Variants in PCDH15 observed in about 807,000 individuals in gnomAD.
PCDH15 encodes protocadherin-15.
PCDH15 carries 129 observed loss-of-function variants against 178.5 expected under a neutral mutation model. The ratio of observed to expected loss-of-function variants is 0.72; its 90% CI spans 0.63 to 0.84. PCDH15 has a LOEUF of 0.84. Among genes scored for constraint, PCDH15 ranks in the 40% least tolerant of loss-of-function variants. The probability of loss-of-function intolerance (pLI) is 0.00; values close to 1 mark genes in which losing one functional copy is unlikely to be tolerated. For synonymous variants in PCDH15, 800 were observed against 732.0 expected (o/e 1.09, Z -1.50); for missense variants, 2,230 against 2,099.9 (o/e 1.06, Z -1.21).
At chr10:55,241,411 T>C (rs982104188) in intron 1 of PCDH15, among the ~76,000 whole-genome samples, 2 of 152,138 alleles carry the variant, frequency 1.3e-5, no homozygotes, top group African/African-American at 4.8e-5. Flanking sequence ...TCATTTTGAA[T>C]TTATTTATTC....
At chr10:54,105,390 A>T (rs1480781320) in intron 15 of PCDH15, among the ~76,000 whole-genome samples, 7 of 150,386 alleles carry the variant, frequency 4.7e-5, no homozygotes, top group Admixed American at 1.3e-4. Context: ...TTAGGAGTTT[A>T]TTAAGTAGTA....
At chr10:54,286,216 A>G (rs1021551959) in intron 8 of PCDH15, among the ~76,000 whole-genome samples, 2 of 152,222 alleles carry the variant, frequency 1.3e-5, no homozygotes, top group Non-Finnish European at 2.9e-5. Context: ...TTTTACCACA[A>G]ACAAAATGAT....
intron 1 of PCDH15, among the ~76,000 whole-genome samples, chr10:55,267,810 A>G (rs769812648): frequency 6.6e-6 from 1 of 152,168 alleles, no homozygotes; most frequent in African/African-American, 2.4e-5. Flanking sequence ...GGTTTTTGGG[A>G]TTTCCTTTGG....
intron 2 of PCDH15, among the ~76,000 whole-genome samples, chr10:55,512,262 T>G (rs1354287922): frequency 2.0e-5 from 3 of 152,106 alleles, no homozygotes; most frequent in Non-Finnish European, 4.4e-5. Flanking sequence ...TATTTCCATA[T>G]TTGCAATTTA....
Position 54,849,823 on chromosome 10 carries a change from T to C in PCDH15, c.-29+47627A>G, listed in dbSNP as rs527356455. Among the ~76,000 whole-genome samples the C allele has an allele frequency of 2.2e-3, 342 of 152,298 alleles. 2 individuals carry two copies. Among genetic ancestry groups the C allele is most frequent in the African/African-American group, 6.6e-3 (274 of 41,564 alleles). On this transcript the variant is annotated intron_variant, in intron 3 of 5. Transcript: ENST00000458638. Reference sequence around the variant, plus strand: ...GTGGAAGTCTTGATTGATATATCTTTGAATCTTTAATATTTATCAAATATT... The same window carrying C: ...GTGGAAGTCTTGATTGATATATCTTCGAATCTTTAATATTTATCAAATATT...
At chr10:55,045,559 G>T (rs1449048379) in intron 2 of PCDH15, among the ~76,000 whole-genome samples, 2 of 151,948 alleles carry the variant, frequency 1.3e-5, no homozygotes, top group Non-Finnish European at 2.9e-5. Flanking sequence ...TGTTATTCTT[G>T]TTCACATGTT....
intron 2 of PCDH15, among the ~76,000 whole-genome samples, chr10:55,474,228 G>T (rs1840019877): frequency 6.6e-6 from 1 of 152,188 alleles, no homozygotes; most frequent in Non-Finnish European, 1.5e-5. Flanking sequence ...CATCCAGACA[G>T]AAGAGAAATA....
At chr10:54,862,223 T>C (rs1335340332) in intron 3 of PCDH15, among the ~76,000 whole-genome samples, 2 of 152,174 alleles carry the variant, frequency 1.3e-5, no homozygotes, top group Non-Finnish European at 2.9e-5. Context: ...AAATGCAATC[T>C]CTTTACCATA....
rs1254233178 is a variant in PCDH15 at position 54,901,944 on chromosome 10, C to CTA, written c.-79-4446_-79-4445dup. On this transcript the variant is annotated intron_variant, in intron 2 of 5. Coordinates refer to the PCDH15 transcript ENST00000458638. The stretch of plus-strand genomic sequence containing the variant: ...TTATAACTGTGCATCTGAAGGTCTT[C>CTA]TATATATATATTTATTAAGCAAATT... 4.6e-5 allele frequency among the ~76,000 whole-genome samples: 7 copies of CTA among 151,432 alleles called. No individual in the cohort carries two copies. The South Asian group carries it at 8.4e-4, about 18-fold the overall frequency.
At chr10:54,104,345 T>C (rs2094869105) in intron 15 of PCDH15, among the ~76,000 whole-genome samples, 1 of 152,094 alleles carries the variant, frequency 6.6e-6, no homozygotes, top group Admixed American at 6.5e-5. Flanking sequence ...TCTTTTCCAA[T>C]CAATGCCCTC....
At chr10:55,165,186 A>G (rs1429780352) in intron 2 of PCDH15, among the ~76,000 whole-genome samples, 2 of 152,086 alleles carry the variant, frequency 1.3e-5, no homozygotes, top group Non-Finnish European at 2.9e-5. Context: ...ATGATTTTGT[A>G]TACTCAACAA....
At chr10:53,974,505 C>T (rs1911427) in intron 21 of PCDH15, among the ~76,000 whole-genome samples, 95,668 of 151,796 alleles carry the variant, frequency 0.63, 31,826 homozygotes, top group Middle Eastern at 0.78. Context: ...AACTACTAAC[C>T]TGTCATCATG....
intron 3 of PCDH15, among the ~76,000 whole-genome samples, chr10:54,858,689 T>C (rs1321758597): frequency 6.6e-6 from 1 of 152,042 alleles, no homozygotes; most frequent in Non-Finnish European, 1.5e-5. Flanking sequence ...TAGTTATCTA[T>C]ATTTAAGTAA....
At chr10:55,174,876 CA>C (rs1460779311) in intron 1 of PCDH15, among the ~76,000 whole-genome samples, 8 of 152,104 alleles carry the variant, frequency 5.3e-5, no homozygotes, top group Non-Finnish European at 1.2e-4. Flanking sequence ...AGACTTAAGA[CA>C]AATTAAGGGG....
chr10:54,902,591 C>T (rs960449232), intron 2 of PCDH15, among the ~76,000 whole-genome samples: 2 of 152,112 alleles, frequency 1.3e-5, no homozygotes, highest in Non-Finnish European at 2.9e-5. Context: ...GTCAATTAAA[C>T]CTCTTCTCTT....
chr10:55,140,405 TCTGA>T (rs1482100975), intron 2 of PCDH15, among the ~76,000 whole-genome samples: 1 of 151,948 alleles, frequency 6.6e-6, no homozygotes. Flanking sequence ...AAGCCTTTTT[TCTGA>T]CTTTTTCTCA....
intron 1 of PCDH15, among the ~76,000 whole-genome samples, chr10:55,225,830 TAAGTA>T (rs1036143264): frequency 1.3e-5 from 2 of 152,084 alleles, no homozygotes; most frequent in African/African-American, 4.8e-5. Context: ...GTTTACTGTT[TAAGTA>T]AAGAGAGAAA....
In PCDH15 at chr10:53,840,426, G is replaced by T. The variant is rs142034111; in HGVS notation, c.3877C>A (p.Arg1293=). 194 of 1,613,878 alleles carry T rather than the reference G, an allele frequency of 1.2e-4. No individual in the cohort carries two copies. The African/African-American group carries it at 2.0e-3, about 17-fold the overall frequency. ...TCTAGGGAAAAGGCATCTCCATGCC[G>T]GCGAGCTCCAATGGACTCCACTACG... ...KVVVESIGAR[R]HGDAFSLEDY... is the part of the protein sequence containing the mutation. Residue 1293 remains arginine (R), a synonymous_variant, in exon 29 of 38, where the codon CGG becomes AGG. Transcript: ENST00000644397.
intron 2 of PCDH15, among the ~76,000 whole-genome samples, chr10:55,437,904 C>T (rs1839084261): frequency 7.7e-6 from 1 of 129,716 alleles, no homozygotes; most frequent in African/African-American, 3.0e-5. Context: ...ATGGCGTGAT[C>T]TCGGCTCACC....
Sources: gnomAD v4.1 joint callset for allele counts (sites outside exome capture counted in the v4.1 genomes callset) on GRCh38, gnomAD v4.1.1 for gene constraint, MANE v1.5 for transcripts, NCBI Gene and HGNC (gene_info 2026-07-23, HGNC 2026-07-21) for gene names.